Variants in SELENOI observed in about 807,000 individuals in gnomAD.
The protein encoded by SELENOI is ethanolaminephosphotransferase 1.
A neutral mutation model predicts 50.7 loss-of-function variants in SELENOI; 24 were observed. The ratio of observed to expected loss-of-function variants is 0.47; its 90% confidence interval spans 0.34 to 0.67. The LOEUF is 0.67. Among genes scored for constraint, SELENOI ranks in the 30% least tolerant of loss-of-function variants. SELENOI has a pLI of 0.01. For missense variants in SELENOI, 352 were observed against 461.4 expected, an observed-to-expected ratio of 0.76 and a Z score of 2.17; for synonymous variants, 155 against 170.2, an observed-to-expected ratio of 0.91 and a Z score of 0.70.
chr2:26,364,193 T>G, intron 1 of SELENOI, 109 bp from the exon 2 acceptor site: 1 of 759,834 alleles, frequency 1.3e-6, no homozygotes, highest in Non-Finnish European at 2.2e-6. Flanking sequence ...CTGGGTTATA[T>G]GCATGCGCCA....
intron 3 of SELENOI, 55 bp downstream of exon 3, chr2:26,364,995 G>T: frequency 7.9e-7 from 1 of 1,273,412 alleles, no homozygotes. Flanking sequence ...ATGAAATGTG[G>T]ATGCTTATTT....
intron 1 of SELENOI, among the ~76,000 whole-genome samples, chr2:26,350,364 T>A (rs1307951840): frequency 6.6e-6 from 1 of 152,198 alleles, no homozygotes; most frequent in Admixed American, 6.5e-5. Flanking sequence ...ATTTTCATTC[T>A]TATCTTTTTT....
intron 6 of SELENOI, among the ~76,000 whole-genome samples, chr2:26,381,228 T>TTTTA (rs1491062460): frequency 2.9e-5 from 3 of 105,126 alleles, no homozygotes; most frequent in African/African-American, 9.5e-5. Context: ...TTTTTTTTTT[T>TTTTA]TACAAATTCT....
At chr2:26,355,745 C>T (rs371493418) in intron 1 of SELENOI, among the ~76,000 whole-genome samples, 97 of 141,260 alleles carry the variant, frequency 6.9e-4, no homozygotes, top group South Asian at 2.1e-3. Flanking sequence ...CTCTCTCTCC[C>T]TTTTTTTTTT....
chr2:26,373,711 T>C, intron 5 of SELENOI, 82 bp downstream of exon 5: 5 of 1,417,876 alleles, frequency 3.5e-6, no homozygotes, highest in Non-Finnish European at 4.8e-6. Flanking sequence ...TTATTGCTCT[T>C]AGGCTTTTTT....
rs922186701 is a variant in SELENOI at position 26,395,649 on chromosome 2, A to G, written c.*6546A>G. On this transcript the variant is annotated 3_prime_UTR_variant, in exon 10 of 10. Coordinates refer to ENST00000260585, the MANE Select transcript of SELENOI (RefSeq NM_033505.4). The stretch of plus-strand genomic sequence containing the variant: ...CAAAGAGAGTATGCCGATGCATTTC[A>G]TTGTTTTTGCATTATCTGTATCAGT... 1 of 152,524 alleles carries G rather than the reference A, an allele frequency of 6.6e-6. No individual in the cohort carries two copies. The highest frequency in any genetic ancestry group is 2.4e-5 in the African/African-American group (1 of 41,414). The allele number at this position is 152,524 out of a possible 1,614,324, so 9.4% of individuals were successfully genotyped here. A position where few individuals can be genotyped will look rare whatever the true frequency, so the allele number is the denominator to read the frequency against.
chr2:26,359,923 G>A (rs1677140221), intron 1 of SELENOI, among the ~76,000 whole-genome samples: 1 of 152,072 alleles, frequency 6.6e-6, no homozygotes, highest in South Asian at 2.1e-4. Context: ...GAGCTCTGAG[G>A]TTTTTCATGG....
chr2:26,370,812 C>A (rs1276620667), intron 4 of SELENOI, among the ~76,000 whole-genome samples: 2 of 135,962 alleles, frequency 1.5e-5, no homozygotes, highest in African/African-American at 2.7e-5. Context: ...CCGGACGGGG[C>A]GGCTGGCCGG....
chr2:26,361,946 C>T (rs1438821147), intron 1 of SELENOI, among the ~76,000 whole-genome samples: 2 of 152,148 alleles, frequency 1.3e-5, no homozygotes, highest in Non-Finnish European at 2.9e-5. Context: ...GCGTGAGCCA[C>T]GCACCTAGCC....
At chr2:26,375,757 C>T (rs1015377200) in intron 6 of SELENOI, among the ~76,000 whole-genome samples, 4 of 151,996 alleles carry the variant, frequency 2.6e-5, no homozygotes, top group Admixed American at 2.6e-4. Flanking sequence ...GCACTGAGAA[C>T]CTTTGTAGAA....
intron 1 of SELENOI, among the ~76,000 whole-genome samples, chr2:26,351,209 C>T (rs1676952945): frequency 6.6e-6 from 1 of 152,166 alleles, no homozygotes; most frequent in Non-Finnish European, 1.5e-5. Context: ...CAGGCACGCA[C>T]CACCACACCC....
Position 26,346,220 on chromosome 2 carries a change from T to C in SELENOI, c.-13T>C. Reference sequence around the variant, plus strand: ...GAGTCGCTGCCGAGTGGGCGCTCAGTTTTCGGGTCGTCATGGCTGGCTACG... The same window carrying C: ...GAGTCGCTGCCGAGTGGGCGCTCAGCTTTCGGGTCGTCATGGCTGGCTACG... On this transcript the variant is annotated 5_prime_UTR_variant, in exon 1 of 10. Coordinates refer to ENST00000260585, the MANE Select transcript of SELENOI (RefSeq NM_033505.4). 1 of 1,613,658 alleles carries C rather than the reference T, an allele frequency of 6.2e-7. No individual in the cohort carries two copies.
intron 1 of SELENOI, among the ~76,000 whole-genome samples, chr2:26,353,650 G>C (rs1008404218): frequency 6.6e-6 from 1 of 152,180 alleles, no homozygotes; most frequent in East Asian, 1.9e-4. Context: ...ATTTATATAT[G>C]TCTGGCAGAA....
At chr2:26,357,417 CT>C (rs1025089794) in intron 1 of SELENOI, among the ~76,000 whole-genome samples, 1 of 152,216 alleles carries the variant, frequency 6.6e-6, no homozygotes, top group African/African-American at 2.4e-5. Flanking sequence ...TGGTTACCAT[CT>C]TTACTAGCCT....
chr2:26,389,330 A>G lies in SELENOI; in HGVS notation c.*227A>G. On this transcript the variant is annotated 3_prime_UTR_variant, in exon 10 of 10. Coordinates refer to ENST00000260585, the MANE Select transcript of SELENOI (RefSeq NM_033505.4). ...GTGACATTTTGGTTGAGCAGAATGT[A>G]CGTTAGACCAGCAAAATGTTCCTAA... The G allele has an allele frequency of 2.3e-6, 1 of 426,142 alleles. No homozygotes were observed. Among genetic ancestry groups the G allele is most frequent in the Non-Finnish European group, 4.2e-6 (1 of 235,794 alleles). 26.4% of individuals were successfully genotyped at this position (426,142 alleles called of 1,614,324 possible).
intron 2 of SELENOI, 104 bp downstream of exon 2, chr2:26,364,474 T>A: frequency 1.3e-6 from 1 of 750,332 alleles, no homozygotes. Flanking sequence ...CATAAGATAT[T>A]TAGAGAAACC....
chr2:26,377,671 T>C (rs943931452), intron 6 of SELENOI, among the ~76,000 whole-genome samples: 4 of 152,162 alleles, frequency 2.6e-5, no homozygotes, highest in South Asian at 2.1e-4. Context: ...CTGTAGAATT[T>C]CCATTTGGTT....
rs777478435 is a variant in SELENOI, at chr2:26,367,156, C to T, written c.246C>T (p.His82=). 1.1e-5 allele frequency: 18 copies of T among 1,609,958 alleles called. No homozygotes were observed. In the Admixed American group the frequency reaches 2.0e-4, roughly 18 times the overall value. Residue 82 remains histidine, a synonymous_variant, in exon 4 of 10, where the codon CAC becomes CAT. Transcript: ENST00000260585. ...TGCTTTCCTTTTCAGCACCAGGTCA[C>T]AAGCACGTGCCTGACTGGGTTTGGA... The part of the protein sequence containing the change: ...DPDFYASAPG[H]KHVPDWVWIV...
At chr2:26,364,773 T>A (rs1454145270) in intron 2 of SELENOI, 59 bp from the exon 3 acceptor site, 1 of 1,208,046 alleles carries the variant, frequency 8.3e-7, no homozygotes, top group Non-Finnish European at 1.2e-6. Context: ...CATGTTGTAG[T>A]ATACATTGGA....
Sources: gnomAD v4.1 joint callset for allele counts (sites outside exome capture counted in the v4.1 genomes callset) on GRCh38, gnomAD v4.1.1 for gene constraint, MANE v1.5 for transcripts, NCBI Gene and HGNC (gene_info 2026-07-23, HGNC 2026-07-21) for gene names.